The following ARL17A variants were observed in gnomAD, a reference collection of about 807,000 sequenced individuals.
ARL17A encodes ARF like GTPase 17A, also known as ADP-ribosylation factor-like 17-like.
chr17:46,533,473 T>C (rs1326595243), intron 4 of ARL17A, among the ~76,000 whole-genome samples: 1 of 144,640 alleles, frequency 6.9e-6, no homozygotes, highest in Non-Finnish European at 1.5e-5. Flanking sequence ...TTTATAATTA[T>C]TGCATTATGT....
downstream of ARL17A, among the ~76,000 whole-genome samples, chr17:46,551,299 T>C (rs905555076): frequency 6.7e-6 from 1 of 150,064 alleles, no homozygotes; most frequent in African/African-American, 2.5e-5. Context: ...ACATGATGTA[T>C]TACTTTTCCC....
At chr17:46,532,280 T>C (rs2053785862) in intron 4 of ARL17A, among the ~76,000 whole-genome samples, 1 of 149,758 alleles carries the variant, frequency 6.7e-6, no homozygotes, top group East Asian at 2.0e-4. Context: ...GCTATTATTA[T>C]CTGCTTCATG....
chr17:46,502,629 T>C, the ARL17A span, among the ~76,000 whole-genome samples: 4 of 151,488 alleles, frequency 2.6e-5, no homozygotes, highest in South Asian at 4.1e-4. Flanking sequence ...CTTTAGCACA[T>C]ACACCTAGTT....
At chr17:46,501,583 C>G in the ARL17A span, among the ~76,000 whole-genome samples, 3 of 151,242 alleles carry the variant, frequency 2.0e-5, no homozygotes, top group Non-Finnish European at 4.4e-5. Flanking sequence ...CAGTCACAAA[C>G]TGCCTATTTG....
chr17:46,545,224 G>A (rs1318096887), intron 3 of ARL17A, among the ~76,000 whole-genome samples: 2 of 137,778 alleles, frequency 1.5e-5, no homozygotes, highest in African/African-American at 3.1e-5. Context: ...TTGAGCCCAG[G>A]AGTTCTACAC....
At chr17:46,529,545 T>C (rs2053352011) in intron 4 of ARL17A, among the ~76,000 whole-genome samples, 1 of 94,712 alleles carries the variant, frequency 1.1e-5, no homozygotes, top group Non-Finnish European at 2.5e-5. Context: ...CGCTGGCTCA[T>C]GCCTGTAATC....
intron 2 of ARL17A, among the ~76,000 whole-genome samples, chr17:46,575,372 G>C (rs1360586819): frequency 6.6e-6 from 1 of 151,882 alleles, no homozygotes; most frequent in Non-Finnish European, 1.5e-5. Context: ...CAGTTGGTTT[G>C]AGCCAGAGTG....
chr17:46,542,703 A>G (rs1197302865), intron 3 of ARL17A, among the ~76,000 whole-genome samples: 1 of 149,988 alleles, frequency 6.7e-6, no homozygotes, highest in Non-Finnish European at 1.5e-5. Context: ...TAAAATATAT[A>G]TATATTTATA....
chr17:46,534,005 G>C (rs1205034523), intron 4 of ARL17A, among the ~76,000 whole-genome samples: 5 of 121,222 alleles, frequency 4.1e-5, no homozygotes, highest in South Asian at 2.5e-4. Context: ...TTGTCCTCCA[G>C]TGTTGTGTGT....
At position 46,554,088 on chromosome 17, in the gene ARL17A, T is replaced by C. The variant is rs1301202617; in HGVS notation, c.*3268A>G. ...GGATCCTAGAACTGAGGAAACACTA[T>C]TTTCTCATCTTACTGGTTTTTGGGC... On this transcript the variant is annotated 3_prime_UTR_variant, in exon 4 of 4. Transcript: ENST00000336125. 1 of 980,284 alleles carries C rather than the reference T, an allele frequency of 1.0e-6. No individual in the cohort carries two copies. The highest frequency in any genetic ancestry group is 1.2e-6 in the Non-Finnish European group (1 of 828,972). 60.7% of individuals were successfully genotyped at this position (980,284 alleles called of 1,614,324 possible).
downstream of ARL17A, among the ~76,000 whole-genome samples, chr17:46,525,600 AAT>A (rs57726130): frequency 0.037 from 2,478 of 67,252 alleles, 30 homozygotes; most frequent in African/African-American, 0.13. Flanking sequence ...TAATAATAAT[AAT>A]ATAATAATAA....
chr17:46,575,285 G>C (rs112458826), intron 2 of ARL17A, among the ~76,000 whole-genome samples: 63,719 of 107,942 alleles, frequency 0.59, 24,986 homozygotes, highest in Middle Eastern at 0.82. Flanking sequence ...TTAACAAGCC[G>C]GTAAAACACA....
chr17:46,541,824 T>C (rs1598455408), intron 3 of ARL17A, among the ~76,000 whole-genome samples: 1 of 151,116 alleles, frequency 6.6e-6, no homozygotes, highest in African/African-American at 2.5e-5. Context: ...TGTCATTTCA[T>C]AAAAAAGAAC....
At chr17:46,545,568 C>T (rs2056174157) in intron 3 of ARL17A, among the ~76,000 whole-genome samples, 1 of 127,840 alleles carries the variant, frequency 7.8e-6, no homozygotes, top group South Asian at 2.5e-4. Context: ...AATGATAATC[C>T]TTGTCTGAAT....
chr17:46,542,948 G>T (rs1255708964), intron 3 of ARL17A, among the ~76,000 whole-genome samples: 2 of 149,786 alleles, frequency 1.3e-5, no homozygotes, highest in Non-Finnish European at 2.9e-5. Context: ...TCTTGACCAG[G>T]TTGTCAGATC....
chr17:46,501,674 C>G, the ARL17A span, among the ~76,000 whole-genome samples: 1 of 151,174 alleles, frequency 6.6e-6, no homozygotes, highest in Non-Finnish European at 1.5e-5. Context: ...ACATGCCAAC[C>G]AATTTTACTT....
At chr17:46,552,719 TA>T (rs2056902758), downstream of ARL17A, 1 of 83,862 alleles carries the variant, frequency 1.2e-5, no homozygotes, top group South Asian at 4.8e-4. Context: ...AAAAAACCAA[TA>T]AAAATACAAA....
At chr17:46,542,792 A>G (rs1229687358) in intron 3 of ARL17A, among the ~76,000 whole-genome samples, 9 of 150,658 alleles carry the variant, frequency 6.0e-5, no homozygotes, top group African/African-American at 2.0e-4. Flanking sequence ...TGCAACTTCA[A>G]TTGTGCCACC....
intron 3 of ARL17A, among the ~76,000 whole-genome samples, chr17:46,558,669 G>T (rs2057426212): frequency 7.7e-6 from 1 of 130,696 alleles, no homozygotes; most frequent in Non-Finnish European, 1.6e-5. Context: ...GGGATTACAG[G>T]CATGAGTCAC....
Sources: allele counts gnomAD v4.1 joint callset (sites outside exome capture counted in the v4.1 genomes callset), GRCh38; gene constraint gnomAD v4.1.1; transcripts MANE v1.5; gene names NCBI Gene and HGNC (gene_info 2026-07-23, HGNC 2026-07-21).